The following ITGB2 variants were observed in gnomAD, a reference collection of about 807,000 sequenced individuals.
ITGB2 encodes the protein integrin beta-2.
ITGB2 carries 56 observed loss-of-function variants against 86.8 expected under a neutral mutation model. That is an observed-to-expected ratio of 0.65 (90% CI 0.52 to 0.81). ITGB2 has a LOEUF of 0.81. Ranked by LOEUF, ITGB2 falls within the 30% of genes least tolerant of loss-of-function variation. ITGB2 has a pLI of 0.00. For missense variants in ITGB2, 948 were observed against 1,061.2 expected (o/e 0.89, Z 1.48); for synonymous variants, 457 against 450.4 (o/e 1.01, Z -0.19).
chr21:44,914,853 C>T (rs936338631), intron 1 of ITGB2, among the ~76,000 whole-genome samples: 1 of 152,012 alleles, frequency 6.6e-6, no homozygotes, highest in African/African-American at 2.4e-5. Context: ...GGATCACTCG[C>T]GCCCAGGAGG....
Position 44,900,942 on chromosome 21 carries a change from C to T in ITGB2, c.742-467G>A, listed in dbSNP as rs149264896. 1.7e-3 allele frequency among the ~76,000 whole-genome samples: 264 copies of T among 152,354 alleles called. 7 individuals carry two copies. In the East Asian group the frequency reaches 0.024, roughly 14 times the overall value. On this transcript the variant is annotated intron_variant, in intron 6 of 15. Coordinates refer to ENST00000652462, the MANE Select transcript of ITGB2 (RefSeq NM_000211.5). ...GCGTGTCCTAGGCTGTGACCTCACA[C>T]TCGTGAGCAGTGTGTCTGCGCTGGG...
chr21:44,886,288 G>T lies in ITGB2; in HGVS notation c.*80C>A. Reference sequence around the variant, plus strand: ...TCTGGTTAATTGGTGACATCCTCAAGAGCTGTGGCAAGCCATGTCTCGGCC... The same window carrying T: ...TCTGGTTAATTGGTGACATCCTCAATAGCTGTGGCAAGCCATGTCTCGGCC... On this transcript the variant is annotated 3_prime_UTR_variant, in exon 16 of 16. Coordinates refer to ENST00000652462, the MANE Select transcript of ITGB2 (RefSeq NM_000211.5). The T allele has an allele frequency of 4.0e-6, 5 of 1,250,154 alleles. No individual in the cohort carries two copies. The highest frequency in any genetic ancestry group is 3.5e-6 in the Non-Finnish European group (3 of 848,246). The allele number at this position is 1,250,154 out of a possible 1,614,324, so 77.4% of individuals were successfully genotyped here.
chr21:44,899,693 G>T (rs1020313098), intron 7 of ITGB2, among the ~76,000 whole-genome samples: 1 of 152,218 alleles, frequency 6.6e-6, no homozygotes, highest in African/African-American at 2.4e-5. Flanking sequence ...ACCAGTGGTT[G>T]CCTCTCGGCC....
chr21:44,902,636 C>T (rs1400719057), intron 5 of ITGB2, among the ~76,000 whole-genome samples: 2 of 151,580 alleles, frequency 1.3e-5, no homozygotes. Flanking sequence ...TGTGAGGATA[C>T]ATTCATGTGT....
rs2084054482 is a variant in ITGB2 at position 44,907,078 on chromosome 21, C to T, written c.165G>A (p.Gly55=). 1.2e-6 allele frequency: 2 copies of T among 1,604,694 alleles called. No homozygotes were observed. The highest frequency in any genetic ancestry group is 1.7e-6 in the Non-Finnish European group (2 of 1,173,344). ...TGTCGCAGCGAATGGAGTCAGGATC[C>T]CCCGGCCCTGTGAAGTTCTGGGGAG... ...WCQKLNFTGP[G]DPDSIRCDTR... The change falls in exon 4 of 16, where the codon GGG becomes GGA. Residue 55 remains glycine (G), a synonymous_variant. Coordinates refer to ENST00000652462, the MANE Select transcript of ITGB2 (RefSeq NM_000211.5).
chr21:44,890,728 A>G (rs1267991575), intron 11 of ITGB2, among the ~76,000 whole-genome samples: 1 of 152,120 alleles, frequency 6.6e-6, no homozygotes, highest in Non-Finnish European at 1.5e-5. Flanking sequence ...CAGGAGCCAC[A>G]CACACCCTGA....
upstream of ITGB2, among the ~76,000 whole-genome samples, chr21:44,925,363 G>C (rs1409427269): frequency 3.3e-5 from 5 of 149,742 alleles, no homozygotes; most frequent in Non-Finnish European, 5.9e-5. Flanking sequence ...ACTCCAGCCT[G>C]GGTGACAGAG....
At chr21:44,915,527 A>C (rs2084196401) in intron 1 of ITGB2, among the ~76,000 whole-genome samples, 1 of 152,160 alleles carries the variant, frequency 6.6e-6, no homozygotes. Flanking sequence ...GCCAGGGGAC[A>C]AGGTTGGAAG....
rs539934290 is a variant in ITGB2, at chr21:44,905,646, T to C, written c.328+1269A>G. ...TCGAGTTTGAGGTCAGAGGTGGAGG[T>C]TCCAGCACGAAGGGGCTTGTGCCTG... On this transcript the variant is annotated intron_variant, in intron 4 of 15. Transcript: ENST00000652462. Among the ~76,000 whole-genome samples the C allele has an allele frequency of 4.5e-4, 68 of 151,594 alleles. 1 individual carries two copies. Among genetic ancestry groups the C allele is most frequent in the African/African-American group, 1.6e-3 (65 of 41,302 alleles).
Position 44,898,712 on chromosome 21 carries a change from C to T in ITGB2, c.993+355G>A, listed in dbSNP as rs145073391. Among the ~76,000 whole-genome samples, 685 of 152,318 alleles carry T rather than the reference C, an allele frequency of 4.5e-3. 3 individuals carry two copies. The highest frequency in any genetic ancestry group is 0.012 in the African/African-American group (479 of 41,570). On this transcript the variant is annotated intron_variant, in intron 8 of 15. Transcript: ENST00000652462. ...ACGTTTTTGTGTAATTTTATCTTCACGGAGAGTGTTGATGTTCAAATGTAT... is the reference window on the plus strand; with the variant it reads ...ACGTTTTTGTGTAATTTTATCTTCATGGAGAGTGTTGATGTTCAAATGTAT...
At chr21:44,903,978 G>T (rs750274660) in intron 4 of ITGB2, among the ~76,000 whole-genome samples, 9 of 152,170 alleles carry the variant, frequency 5.9e-5, no homozygotes, top group Non-Finnish European at 1.2e-4. Flanking sequence ...GTCCCCAGGA[G>T]GCCCCTTTCT....
intron 13 of ITGB2, 166 bp from the exon 14 acceptor site, chr21:44,889,061 G>A: frequency 1.4e-6 from 1 of 711,212 alleles, no homozygotes; most frequent in South Asian, 1.7e-5. Flanking sequence ...CGGGTGAACT[G>A]GAAGCCTGAT....
chr21:44,896,349 A>G (rs2083870701), intron 8 of ITGB2, among the ~76,000 whole-genome samples: 1 of 152,232 alleles, frequency 6.6e-6, no homozygotes, highest in Admixed American at 6.5e-5. Flanking sequence ...CTGAGTTTCC[A>G]TGGGTGTTAA....
chr21:44,887,957 G>A (rs541730198), intron 14 of ITGB2, among the ~76,000 whole-genome samples: 11 of 152,212 alleles, frequency 7.2e-5, no homozygotes, highest in Non-Finnish European at 1.5e-4. Context: ...GATGGAGTCC[G>A]CCAGCGGCCC....
At chr21:44,917,541 C>T (rs1048028408) in intron 1 of ITGB2, among the ~76,000 whole-genome samples, 11 of 152,148 alleles carry the variant, frequency 7.2e-5, no homozygotes, top group Admixed American at 3.9e-4. Context: ...TTGATGAGGA[C>T]GCTGCTTCAT....
At position 44,910,724 on chromosome 21, in the gene ITGB2, C is replaced by G; in HGVS notation, c.58+1G>C. The stretch of plus-strand genomic sequence containing the variant: ...TCCCCTCCGTGGAACACAGAACTCA[C>G]CGCACCCGAGGGAGAGCAGCCCCAC... On this transcript the variant is annotated splice_donor_variant, in intron 2 of 15. Coordinates refer to ENST00000652462, the MANE Select transcript of ITGB2 (RefSeq NM_000211.5). LOFTEE classifies it high-confidence loss of function. 6.2e-7 allele frequency: 1 copy of G among 1,613,954 alleles called. No individual in the cohort carries two copies. Among genetic ancestry groups the G allele is most frequent in the Non-Finnish European group, 8.5e-7 (1 of 1,179,924 alleles).
chr21:44,910,310 GC>G lies in ITGB2; in HGVS notation c.120del (p.Gly42AlafsTer8), dbSNP rs2084110970. On this transcript the variant is annotated frameshift_variant, in exon 3 of 16. Coordinates refer to ENST00000652462, the MANE Select transcript of ITGB2 (RefSeq NM_000211.5). LOFTEE classifies it high-confidence loss of function. ...AGCTTCTGGCACCAGGTGCAGCCGG[GC>G]CCCGACTCGATGCATTCCCGGCAGC... The part of the protein sequence containing the change: ...VSSCRECIES[G>X]PGCTWCQKLN... 8 of 1,614,128 alleles carry G rather than the reference GC, an allele frequency of 5.0e-6. No homozygotes were observed. The highest frequency in any genetic ancestry group is 5.9e-6 in the Non-Finnish European group (7 of 1,180,010).
chr21:44,910,786 C>CTGTGGAGG lies in ITGB2; in HGVS notation c.-3-9_-3-2dup. ...GTGGGGGGCGCAGGCCCAGCATGTCCTGTGGAGGGAAGGGGTCTTGGTGAC... is the reference window on the plus strand; with the variant it reads ...GTGGGGGGCGCAGGCCCAGCATGTCCTGTGGAGGTGTGGAGGGAAGGGGTCTTGGTGAC... On this transcript the variant is annotated splice_acceptor_variant, in intron 1 of 15. Transcript: ENST00000652462. LOFTEE classifies it low-confidence loss of function (5UTR_SPLICE). 6.2e-7 allele frequency: 1 copy of CTGTGGAGG among 1,613,058 alleles called. No individual in the cohort carries two copies. The highest frequency in any genetic ancestry group is 2.2e-5 in the East Asian group (1 of 44,830).
chr21:44,891,101 G>C (rs1035832697), intron 11 of ITGB2, among the ~76,000 whole-genome samples: 1 of 152,196 alleles, frequency 6.6e-6, no homozygotes, highest in Non-Finnish European at 1.5e-5. Context: ...CAGAGCAAAG[G>C]GGGCAGAGTC....
Sources: allele counts gnomAD v4.1 joint callset (sites outside exome capture counted in the v4.1 genomes callset), GRCh38; gene constraint gnomAD v4.1.1; transcripts MANE v1.5; gene names NCBI Gene and HGNC (gene_info 2026-07-23, HGNC 2026-07-21).